The following CCSER1 variants were observed in gnomAD, a reference collection of about 807,000 sequenced individuals.
The protein encoded by CCSER1 is serine-rich coiled-coil domain-containing protein 1.
A neutral mutation model predicts 82.0 loss-of-function variants in CCSER1; 41 were observed. That is an observed-to-expected ratio of 0.50 (90% CI 0.39 to 0.65). CCSER1 has a LOEUF of 0.65. Among genes scored for constraint, CCSER1 ranks in the 30% least tolerant of loss-of-function variants. The pLI, the probability that CCSER1 is intolerant of heterozygous loss-of-function variation, is 0.00. For missense variants in CCSER1, 1,119 were observed against 1,064.2 expected (o/e 1.05, Z -0.72); for synonymous variants, 414 against 383.9 (o/e 1.08, Z -0.92).
chr4:90,638,208 A>G (rs1023644863), intron 6 of CCSER1, among the ~76,000 whole-genome samples: 1 of 152,184 alleles, frequency 6.6e-6, no homozygotes, highest in African/African-American at 2.4e-5. Flanking sequence ...CTTTTAGGAC[A>G]GCTCTACATT....
rs1320078719 is a variant in CCSER1 at position 90,933,026 on chromosome 4, A to AAG, written c.2172+9581_2172+9582dup. ...AAAGAAAGAAAGAAAGAAAGAAAGAAAGAAAGAAAGAAAGAAAGAGAAGGA... is the reference window on the plus strand; with the variant it reads ...AAAGAAAGAAAGAAAGAAAGAAAGAAAGAGAAAGAAAGAAAGAAAGAGAAGGA... On this transcript the variant is annotated intron_variant, in intron 9 of 10. Transcript: ENST00000509176. Among the ~76,000 whole-genome samples the AAG allele has an allele frequency of 1.1e-4, 11 of 96,374 alleles. 1 individual carries two copies. Among genetic ancestry groups the AAG allele is most frequent in the Admixed American group, 7.8e-4 (7 of 8,998 alleles). The allele number at this position is 96,374 out of a possible 152,430, so 63.2% of individuals were successfully genotyped here.
chr4:91,000,771 G>C (rs1337826334), intron 9 of CCSER1, among the ~76,000 whole-genome samples: 4 of 152,102 alleles, frequency 2.6e-5, no homozygotes, highest in African/African-American at 4.8e-5. Context: ...TGAGTACATT[G>C]ATTTTGTATC....
intron 8 of CCSER1, among the ~76,000 whole-genome samples, chr4:90,861,928 T>TATATATATATATA (rs1561265442): frequency 5.0e-4 from 55 of 109,376 alleles, no homozygotes; most frequent in African/African-American, 1.5e-3. Flanking sequence ...ATATATATAT[T>TATATATATATATA]TTTTTTTTCT....
intron 3 of CCSER1, among the ~76,000 whole-genome samples, chr4:90,347,289 CAGTGAT>C (rs1474109633): frequency 1.3e-5 from 2 of 151,108 alleles, no homozygotes; most frequent in Admixed American, 1.3e-4. Flanking sequence ...TTTAAACATT[CAGTGAT>C]AACTATTAAC....
intron 4 of CCSER1, among the ~76,000 whole-genome samples, chr4:90,421,405 A>G (rs1756672192): frequency 6.6e-6 from 1 of 152,188 alleles, no homozygotes; most frequent in Admixed American, 6.5e-5. Flanking sequence ...CCTTGTCTGG[A>G]TAGTAGAATG....
intron 9 of CCSER1, 48 bp from the exon 10 acceptor site, chr4:91,085,898 ATTAT>A: frequency 2.0e-6 from 2 of 1,001,870 alleles, no homozygotes; most frequent in Non-Finnish European, 3.0e-6. Flanking sequence ...AATATGAATT[ATTAT>A]TTAATTCTTC....
At chr4:90,522,689 CTG>C (rs1233032827) in intron 5 of CCSER1, among the ~76,000 whole-genome samples, 1 of 152,148 alleles carries the variant, frequency 6.6e-6, no homozygotes, top group East Asian at 1.9e-4. Flanking sequence ...TCTCAGAAGA[CTG>C]TGACTTCCAT....
intron 7 of CCSER1, among the ~76,000 whole-genome samples, chr4:90,756,788 G>A (rs1481842868): frequency 2.6e-5 from 4 of 152,124 alleles, no homozygotes; most frequent in Admixed American, 6.5e-5. Flanking sequence ...ATCTAGCTAA[G>A]TGCCTTGCAT....
chr4:90,720,440 T>G (rs1190526134), intron 6 of CCSER1, among the ~76,000 whole-genome samples: 1 of 152,104 alleles, frequency 6.6e-6, no homozygotes, highest in Non-Finnish European at 1.5e-5. Context: ...AAAGATTCTT[T>G]CATTTTCATG....
intron 5 of CCSER1, among the ~76,000 whole-genome samples, chr4:90,549,805 T>G (rs1472730596): frequency 2.0e-5 from 3 of 151,744 alleles, no homozygotes; most frequent in African/African-American, 7.3e-5. Context: ...TGAAGGAAAC[T>G]GTTCTATAGG....
intron 9 of CCSER1, among the ~76,000 whole-genome samples, chr4:90,945,890 C>G (rs571140693): frequency 6.6e-6 from 1 of 152,048 alleles, no homozygotes; most frequent in East Asian, 1.9e-4. Flanking sequence ...TTGATCCTCA[C>G]GAAAGCTATA....
At chr4:90,727,973 C>A (rs1743972254) in intron 7 of CCSER1, among the ~76,000 whole-genome samples, 1 of 152,106 alleles carries the variant, frequency 6.6e-6, no homozygotes, top group Non-Finnish European at 1.5e-5. Flanking sequence ...GTTCTTTGAA[C>A]TTCTGAAGAC....
chr4:91,455,513 AACAG>A (rs1171023044), intron 10 of CCSER1, among the ~76,000 whole-genome samples: 2 of 152,022 alleles, frequency 1.3e-5, no homozygotes, highest in South Asian at 2.1e-4. Flanking sequence ...CCATCTAGGA[AACAG>A]ACAGCAAGGC....
intron 10 of CCSER1, among the ~76,000 whole-genome samples, chr4:91,330,571 C>T (rs559748883): frequency 6.6e-6 from 1 of 152,144 alleles, no homozygotes; most frequent in African/African-American, 2.4e-5. Flanking sequence ...GCGGAAGCAA[C>T]ATCCAAATGC....
chr4:91,140,890 A>G (rs923937767), intron 10 of CCSER1, among the ~76,000 whole-genome samples: 2 of 152,046 alleles, frequency 1.3e-5, no homozygotes, highest in South Asian at 2.1e-4. Context: ...GAGGTTTGTG[A>G]TATGATTGGA....
At chr4:90,792,193 T>C (rs1755355389) in intron 7 of CCSER1, among the ~76,000 whole-genome samples, 1 of 152,168 alleles carries the variant, frequency 6.6e-6, no homozygotes, top group African/African-American at 2.4e-5. Flanking sequence ...TGCTTTTTTT[T>C]CTCTTGGAAA....
chr4:90,493,518 G>C (rs1768431654), intron 5 of CCSER1, among the ~76,000 whole-genome samples: 1 of 152,142 alleles, frequency 6.6e-6, no homozygotes, highest in Admixed American at 6.5e-5. Flanking sequence ...AGAGAGAAAG[G>C]TCGGGTTACC....
rs539793113 is a variant in CCSER1 at position 91,266,517 on chromosome 4, C to A, written c.2217+180523C>A. ...CTGCCCACCTCGGCCTCCCAAAGTG[C>A]TGGGATTACAGACGTGAGCCACAGC... On this transcript the variant is annotated intron_variant, in intron 10 of 10. Coordinates refer to ENST00000509176, the MANE Select transcript of CCSER1 (RefSeq NM_001145065.2). Among the ~76,000 whole-genome samples the A allele has an allele frequency of 5.5e-4, 83 of 152,160 alleles. 1 individual carries two copies. The highest frequency in any genetic ancestry group is 1.9e-3 in the African/African-American group (77 of 41,512).
At chr4:90,798,569 C>CA (rs1413632139) in intron 7 of CCSER1, among the ~76,000 whole-genome samples, 2 of 152,162 alleles carry the variant, frequency 1.3e-5, no homozygotes, top group African/African-American at 4.8e-5. Context: ...TTTGGGTTGA[C>CA]ACAGTTCTTG....
Sources: allele counts gnomAD v4.1 joint callset (sites outside exome capture counted in the v4.1 genomes callset), GRCh38; gene constraint gnomAD v4.1.1; transcripts MANE v1.5; gene names NCBI Gene and HGNC (gene_info 2026-07-23, HGNC 2026-07-21).